The following EVC2 variants were observed in gnomAD, a reference collection of about 807,000 sequenced individuals.
The protein encoded by EVC2 is EvC ciliary complex subunit 2.
A neutral mutation model predicts 149.3 loss-of-function variants in EVC2; 148 were observed. The ratio of observed to expected loss-of-function variants is 0.99; its 90% CI spans 0.87 to 1.14. EVC2 has a LOEUF of 1.14. Ranked by LOEUF, EVC2 falls within the 50% of genes most tolerant of loss-of-function variation. EVC2 has a pLI of 0.00. For missense variants in EVC2, 1,854 were observed against 1,627.3 expected (o/e 1.14, Z -2.40); for synonymous variants, 776 against 649.9 (o/e 1.19, Z -2.95).
intron 16 of EVC2, among the ~76,000 whole-genome samples, chr4:5,585,579 GTTTT>G (rs956390480): frequency 6.6e-6 from 1 of 152,010 alleles, no homozygotes; most frequent in African/African-American, 2.4e-5. Flanking sequence ...AGTTTAGTTT[GTTTT>G]TTTAACAAAA....
intron 9 of EVC2, among the ~76,000 whole-genome samples, chr4:5,650,638 T>TATATATAGAGAGAGAG (rs1162935817): frequency 2.7e-4 from 12 of 45,096 alleles, no homozygotes; most frequent in Non-Finnish European, 4.4e-4. Context: ...TATATATATA[T>TATATATAGAGAGAGAG]AGAGAGAGAG....
chr4:5,664,463 C>A (rs1171164334), intron 8 of EVC2, among the ~76,000 whole-genome samples: 2 of 152,200 alleles, frequency 1.3e-5, no homozygotes, highest in African/African-American at 4.8e-5. Flanking sequence ...GAAAATGAAT[C>A]CTGCTCCGAC....
intron 17 of EVC2, among the ~76,000 whole-genome samples, chr4:5,580,784 T>C (rs1711687217): frequency 6.6e-6 from 1 of 151,636 alleles, no homozygotes; most frequent in African/African-American, 2.4e-5. Context: ...GGTGTTAAAT[T>C]CAATTAAAGA....
intron 21 of EVC2, among the ~76,000 whole-genome samples, chr4:5,547,068 C>T (rs1011509407): frequency 6.6e-6 from 1 of 152,216 alleles, no homozygotes; most frequent in Non-Finnish European, 1.5e-5. Flanking sequence ...TCTTGGGGGT[C>T]CAGGAAGGCC....
Position 5,633,832 on chromosome 4 carries a change from C to T in EVC2, c.1471-1800G>A, listed in dbSNP as rs979971767. On this transcript the variant is annotated intron_variant, in intron 10 of 21. Coordinates refer to ENST00000344408, the MANE Select transcript of EVC2 (RefSeq NM_147127.5). This position sits in a 1 kb window ranked among gnomAD's most constrained non-coding sequence, Gnocchi z 4.4. ...TTCAGTAAATAGCATCACTTGCTCC[C>T]CAATTTCCCAAGTCACAGACCTGCT... 1.3e-5 allele frequency among the ~76,000 whole-genome samples: 2 copies of T among 152,208 alleles called. No individual in the cohort carries two copies. Among genetic ancestry groups the T allele is most frequent in the Non-Finnish European group, 2.9e-5 (2 of 68,036 alleles).
intron 11 of EVC2, among the ~76,000 whole-genome samples, chr4:5,631,128 C>T (rs527407409): frequency 3.9e-5 from 6 of 152,214 alleles, no homozygotes; most frequent in Non-Finnish European, 7.3e-5. Context: ...ACAACATTCA[C>T]ACTCAAGCTG....
intron 21 of EVC2, among the ~76,000 whole-genome samples, chr4:5,555,842 A>G (rs4688940): frequency 0.52 from 78,982 of 151,910 alleles, 22,733 homozygotes; most frequent in Non-Finnish European, 0.66. Flanking sequence ...ATATAAAATC[A>G]TCTCAACTTT....
chr4:5,572,106 G>A (rs991602529), intron 19 of EVC2, among the ~76,000 whole-genome samples: 5 of 152,102 alleles, frequency 3.3e-5, no homozygotes, highest in Non-Finnish European at 7.3e-5. Context: ...TTCTCTGGAG[G>A]ACTCTTATTA....
intron 9 of EVC2, among the ~76,000 whole-genome samples, chr4:5,662,576 T>A (rs952047044): frequency 7.0e-6 from 1 of 143,446 alleles, no homozygotes; most frequent in Non-Finnish European, 1.5e-5. Flanking sequence ...TAATATATAT[T>A]TATATTAATC....
intron 2 of EVC2, 114 bp from the exon 3 acceptor site, chr4:5,694,615 T>G (rs927959351): frequency 7.5e-6 from 9 of 1,204,100 alleles, no homozygotes; most frequent in Non-Finnish European, 1.1e-5. Context: ...AGACGTTTGT[T>G]GGGTAAGTAA....
chr4:5,692,246 T>C (rs535072599), intron 3 of EVC2, among the ~76,000 whole-genome samples: 5 of 152,194 alleles, frequency 3.3e-5, no homozygotes, highest in Admixed American at 3.3e-4. Context: ...CAGGCTGGCC[T>C]TGGACTCCTG....
chr4:5,538,295 T>C (rs909284900), downstream of EVC2, among the ~76,000 whole-genome samples: 6 of 152,142 alleles, frequency 3.9e-5, no homozygotes, highest in African/African-American at 7.2e-5. Flanking sequence ...AAGAAACAGA[T>C]ACTGTATACT....
intron 16 of EVC2, among the ~76,000 whole-genome samples, chr4:5,612,357 G>C (rs73198119): frequency 1.3e-5 from 2 of 152,000 alleles, no homozygotes; most frequent in African/African-American, 4.8e-5. Flanking sequence ...AGGATGACAT[G>C]GTTTTAAAAA....
intron 9 of EVC2, among the ~76,000 whole-genome samples, chr4:5,650,156 G>A (rs950437584): frequency 1.3e-5 from 2 of 152,080 alleles, no homozygotes; most frequent in African/African-American, 4.8e-5. Context: ...CTCCTTAAAG[G>A]GGGCAAAGAT....
intron 19 of EVC2, among the ~76,000 whole-genome samples, chr4:5,570,938 G>A (rs1722605703): frequency 6.6e-6 from 1 of 152,126 alleles, no homozygotes; most frequent in Non-Finnish European, 1.5e-5. Context: ...AGGAGGAGCT[G>A]AGCTATGAGG....
chr4:5,580,542 T>C (rs1711665847), intron 17 of EVC2, among the ~76,000 whole-genome samples: 1 of 152,180 alleles, frequency 6.6e-6, no homozygotes, highest in Non-Finnish European at 1.5e-5. Flanking sequence ...TCTTGGGCAC[T>C]TAGGATGAGC....
In EVC2 at chr4:5,640,812, G is replaced by C. The variant is rs1368934888; in HGVS notation, c.1172C>G (p.Ala391Gly). 6.2e-7 allele frequency: 1 copy of C among 1,614,022 alleles called. No homozygotes were observed. The highest frequency in any genetic ancestry group is 1.3e-5 in the African/African-American group (1 of 74,912). Residue 391 changes from alanine (A) to glycine (G), a missense_variant, in exon 10 of 22, where the codon GCA (alanine) becomes GGA (glycine). By Grantham distance (60) the Ala-to-Gly change is moderately conservative (BLOSUM62 0). Transcript: ENST00000344408. The surrounding 1 kb of genome is among the most constrained non-coding windows in gnomAD (Gnocchi z 4.6). The part of the protein sequence containing the change: ...EELEIATLNR[A>G]DADLEACRTQ... The stretch of plus-strand genomic sequence containing the variant: ...TCGACAAGCCTCCAGATCTGCATCT[G>C]CCCGATTCAGGGTTGCAATCTCCAA...
Position 5,708,316 on chromosome 4 carries a change from C to T in EVC2, c.198G>A (p.Arg66=). 1.4e-6 allele frequency: 2 copies of T among 1,464,056 alleles called. No individual in the cohort carries two copies. The highest frequency in any genetic ancestry group is 2.4e-5 in the Admixed American group (1 of 41,258). 90.7% of individuals were successfully genotyped at this position (1,464,056 alleles called of 1,614,324 possible). A position where few individuals can be genotyped will look rare whatever the true frequency, so the allele number is the denominator to read the frequency against. ...TGCTGCTCTCGGGCCCCGCCCCGCT[C>T]CGCCCCGGAGGGATCCTCAGGCCGG... The part of the protein sequence containing the change: ...SGPGLRIPPG[R]SGAGPESSTQ... The change falls in exon 1 of 22, where the codon CGG becomes CGA. Residue 66 remains arginine, a synonymous_variant. Transcript: ENST00000344408.
Position 5,666,133 on chromosome 4 carries a change from C to CACAA in EVC2, c.871-485_871-484insTTGT, listed in dbSNP as rs897637218. On this transcript the variant is annotated intron_variant, in intron 7 of 21. Coordinates refer to ENST00000344408, the MANE Select transcript of EVC2 (RefSeq NM_147127.5). Reference sequence around the variant, plus strand: ...TTACGGTATTATATTTAGAGAAAATCTCTTGTCTTCTGACTGGTGAGATTA... The same window carrying CACAA: ...TTACGGTATTATATTTAGAGAAAATCACAATCTTGTCTTCTGACTGGTGAGATTA... 1.1e-4 allele frequency among the ~76,000 whole-genome samples: 17 copies of CACAA among 152,170 alleles called. No individual in the cohort carries two copies. In the South Asian group the frequency reaches 2.3e-3, roughly 20 times the overall value.
Sources: allele counts gnomAD v4.1 joint callset (sites outside exome capture counted in the v4.1 genomes callset), GRCh38; gene constraint gnomAD v4.1.1; non-coding constraint Gnocchi (gnomAD v3.1); transcripts MANE v1.5; gene names NCBI Gene and HGNC (gene_info 2026-07-23, HGNC 2026-07-21).